RORA: variants seen among roughly 807,000 people sequenced by gnomAD.
The protein encoded by RORA is RAR related orphan receptor A, also known as nuclear receptor ROR-alpha.
A neutral mutation model predicts 69.5 loss-of-function variants in RORA; 7 were observed. That is an observed-to-expected ratio of 0.10 (90% CI 0.06 to 0.19). RORA has a LOEUF of 0.19. Among genes scored for constraint, RORA ranks in the 10% least tolerant of loss-of-function variants. RORA has a pLI of 1.00. For synonymous variants in RORA, 261 were observed against 240.8 expected, an observed-to-expected ratio of 1.08 and a Z score of -0.78; for missense variants, 457 against 663.0, an observed-to-expected ratio of 0.69 and a Z score of 3.41.
At chr15:60,931,743 T>C (rs985005557) in intron 1 of RORA, among the ~76,000 whole-genome samples, 1 of 152,222 alleles carries the variant, frequency 6.6e-6, no homozygotes, top group Non-Finnish European at 1.5e-5. Flanking sequence ...AGATGGGACA[T>C]GGTCTGGCAA....
chr15:60,968,482 T>A lies in RORA; in HGVS notation c.166+260571A>T, dbSNP rs145674980. On this transcript the variant is annotated intron_variant, in intron 1 of 10. Transcript: ENST00000335670. ...GGACCATACTTTGAAAATGGGCTAA[T>A]AGGGCCAACCCAGGCTCACACTGGA... Among the ~76,000 whole-genome samples the A allele has an allele frequency of 4.4e-3, 665 of 152,300 alleles. 1 individual carries two copies. Among genetic ancestry groups the A allele is most frequent in the Non-Finnish European group, 6.8e-3 (463 of 68,018 alleles).
rs148278468 is a variant in RORA at position 60,929,627 on chromosome 15, T to C, written c.167-250941A>G. Among the ~76,000 whole-genome samples the C allele has an allele frequency of 2.7e-3, 408 of 152,242 alleles. 1 individual carries two copies. Among genetic ancestry groups the C allele is most frequent in the African/African-American group, 9.5e-3 (394 of 41,532 alleles). ...CTCCAGTCGCATTCTCTTGAAAATG[T>C]TTGGTTGGGAAATCTTACAGTGGAG... On this transcript the variant is annotated intron_variant, in intron 1 of 10. Coordinates refer to ENST00000335670, the MANE Select transcript of RORA (RefSeq NM_134261.3).
intron 2 of RORA, among the ~76,000 whole-genome samples, chr15:60,597,597 CATATATAT>C: frequency 3.2e-5 from 1 of 31,360 alleles, no homozygotes; most frequent in South Asian, 1.3e-3. Flanking sequence ...TATATATACA[CATATATAT>C]ATATATATAT....
intron 2 of RORA, among the ~76,000 whole-genome samples, chr15:60,663,836 A>C (rs2070341597): frequency 6.6e-6 from 1 of 152,240 alleles, no homozygotes; most frequent in African/African-American, 2.4e-5. Flanking sequence ...GATTGGTCAC[A>C]CACAGAATGT....
At chr15:60,759,464 G>A (rs1211236320) in intron 1 of RORA, among the ~76,000 whole-genome samples, 1 of 152,102 alleles carries the variant, frequency 6.6e-6, no homozygotes, top group Non-Finnish European at 1.5e-5. Flanking sequence ...CAAACGGGGG[G>A]CAACTTTGAG....
At position 60,904,126 on chromosome 15, in the gene RORA, G is replaced by A. The variant is rs75919417; in HGVS notation, c.167-225440C>T. 2.0e-3 allele frequency among the ~76,000 whole-genome samples: 310 copies of A among 152,238 alleles called. 5 individuals carry two copies. The East Asian group carries it at 0.044, about 22-fold the overall frequency. Reference sequence around the variant, plus strand: ...GTGGTTCAAATAACATATAACTATCGTAATATATTTGAAATAAGCCAATTA... The same window carrying A: ...GTGGTTCAAATAACATATAACTATCATAATATATTTGAAATAAGCCAATTA... On this transcript the variant is annotated intron_variant, in intron 1 of 10. Coordinates refer to ENST00000335670, the MANE Select transcript of RORA (RefSeq NM_134261.3).
At chr15:60,708,691 C>T (rs768553356) in intron 1 of RORA, among the ~76,000 whole-genome samples, 3 of 152,310 alleles carry the variant, frequency 2.0e-5, no homozygotes, top group South Asian at 2.1e-4. Context: ...TTTCAGTTCC[C>T]TACACTTTCC....
At chr15:61,047,814 C>T (rs1201767583) in intron 1 of RORA, among the ~76,000 whole-genome samples, 3 of 152,150 alleles carry the variant, frequency 2.0e-5, no homozygotes, top group Admixed American at 6.5e-5. Context: ...TGTGGTCCTC[C>T]GGCCATGACT....
rs2079189480 is a variant in RORA, at chr15:61,131,463, C to T, written c.166+97590G>A. On this transcript the variant is annotated intron_variant, in intron 1 of 10. Transcript: ENST00000335670. This position sits in a 1 kb window ranked among gnomAD's most constrained non-coding sequence, Gnocchi z 4.2. ...AGCTGCAGGCTCTTTGGAGCTACTC[C>T]TGGGTTGGGGTGAGTGGGGACTGAG... Among the ~76,000 whole-genome samples the T allele has an allele frequency of 6.6e-6, 1 of 152,166 alleles. No individual in the cohort carries two copies. The highest frequency in any genetic ancestry group is 6.5e-5 in the Admixed American group (1 of 15,272).
intron 1 of RORA, among the ~76,000 whole-genome samples, chr15:60,866,851 TCTAC>T (rs1437529391): frequency 0.011 from 1,591 of 145,630 alleles, 12 homozygotes; most frequent in Non-Finnish European, 0.013. Context: ...TATCTATCTA[TCTAC>T]CTACCTACCT....
At chr15:61,228,970 C>T (rs1460591012) in intron 1 of RORA, 83 bp downstream of exon 1, 187 of 660,276 alleles carry the variant, frequency 2.8e-4, no homozygotes, top group Non-Finnish European at 3.4e-4. Context: ...GGACCCCGCG[C>T]CCCGGGCGCC....
intron 1 of RORA, among the ~76,000 whole-genome samples, chr15:60,787,704 C>G (rs953576173): frequency 1.1e-4 from 17 of 152,154 alleles, no homozygotes; most frequent in African/African-American, 4.1e-4. Flanking sequence ...GGATATAACC[C>G]AAAATTTACA....
intron 1 of RORA, among the ~76,000 whole-genome samples, chr15:61,070,328 G>A (rs968320828): frequency 1.3e-5 from 2 of 152,286 alleles, no homozygotes; most frequent in East Asian, 1.9e-4. Flanking sequence ...CCACTCATCC[G>A]AAGATGACTC....
intron 1 of RORA, among the ~76,000 whole-genome samples, chr15:60,992,576 T>A (rs983607101): frequency 2.2e-4 from 33 of 152,308 alleles, no homozygotes; most frequent in African/African-American, 7.0e-4. Flanking sequence ...TGGGATCACT[T>A]CCTTCTCCTC....
chr15:61,038,212 T>C (rs562479122), intron 1 of RORA, among the ~76,000 whole-genome samples: 40 of 152,198 alleles, frequency 2.6e-4, no homozygotes, highest in Non-Finnish European at 4.7e-4. Context: ...ATGAACTAGT[T>C]AGCCAAAGCG....
chr15:60,680,012 A>G lies in RORA; in HGVS notation c.167-1326T>C, dbSNP rs563344188. 2.0e-5 allele frequency among the ~76,000 whole-genome samples: 3 copies of G among 152,344 alleles called. No homozygotes were observed. In the East Asian group the frequency reaches 5.8e-4, roughly 29 times the overall value. ...GAACCTTCTAAAAAAATCCTTGAAG[A>G]CTGTCTCACATGAAAACTACAAAAG... On this transcript the variant is annotated intron_variant, in intron 1 of 10. Transcript: ENST00000335670.
chr15:61,102,204 A>G (rs2078890012), intron 1 of RORA, among the ~76,000 whole-genome samples: 1 of 152,140 alleles, frequency 6.6e-6, no homozygotes, highest in South Asian at 2.1e-4. Context: ...AGCAGTTGTC[A>G]GCAGGGTGCA....
intron 1 of RORA, among the ~76,000 whole-genome samples, chr15:61,148,126 A>T (rs2079367048): frequency 6.6e-6 from 1 of 152,214 alleles, no homozygotes; most frequent in South Asian, 2.1e-4. Context: ...TGGCAGTGGA[A>T]TCTGAGTGAC....
chr15:60,775,912 C>T (rs1408789537), intron 1 of RORA, among the ~76,000 whole-genome samples: 2 of 152,176 alleles, frequency 1.3e-5, no homozygotes, highest in African/African-American at 4.8e-5. Context: ...AAAACATCTC[C>T]TACCTGGGGC....
Sources: allele counts gnomAD v4.1 joint callset (sites outside exome capture counted in the v4.1 genomes callset), GRCh38; gene constraint gnomAD v4.1.1; non-coding constraint Gnocchi (gnomAD v3.1); transcripts MANE v1.5; gene names NCBI Gene and HGNC (gene_info 2026-07-23, HGNC 2026-07-21).